The following PTPN14 variants were observed in gnomAD, a reference collection of about 807,000 sequenced individuals.
The protein encoded by PTPN14 is protein tyrosine phosphatase non-receptor type 14, also known as tyrosine-protein phosphatase non-receptor type 14.
In PTPN14, 53 loss-of-function variants were observed where a neutral mutation model predicts 126.8. That is an observed-to-expected ratio of 0.42 (90% CI 0.34 to 0.53). PTPN14 has a LOEUF of 0.53. PTPN14 is among the 20% of genes least tolerant of loss of function. The probability of loss-of-function intolerance (pLI) is 0.08; values close to 1 mark genes in which losing one functional copy is unlikely to be tolerated. For synonymous variants in PTPN14, 630 were observed against 599.3 expected (o/e 1.05, Z -0.75); for missense variants, 1,257 against 1,552.9 (o/e 0.81, Z 3.20).
At chr1:214,402,456 A>C (rs1659045421) in intron 6 of PTPN14, among the ~76,000 whole-genome samples, 1 of 138,564 alleles carries the variant, frequency 7.2e-6, no homozygotes, top group Non-Finnish European at 1.6e-5. Flanking sequence ...AAAAAAAAAA[A>C]AAAGCCACGA....
rs1658029795 is a variant in PTPN14, at chr1:214,364,541, G to A, written c.3406C>T (p.Leu1136=). Residue 1136 remains leucine, a synonymous_variant, in exon 18 of 19, where the codon CTG becomes TTG. Coordinates refer to ENST00000366956, the MANE Select transcript of PTPN14 (RefSeq NM_005401.5). The surrounding 1 kb of genome is among the most constrained non-coding windows in gnomAD (Gnocchi z 4.1). ...TTATGTTCCAAGCAGTAGATCATCA[G>A]CTCAGAAAGAATGAGCACGCCGGTC... ...GRTGVLILSE[L]MIYCLEHNEK... 4 of 1,614,060 alleles carry A rather than the reference G, an allele frequency of 2.5e-6. No homozygotes were observed. The East Asian group carries it at 6.7e-5, about 27-fold the overall frequency.
At chr1:214,545,898 T>C (rs372504830) in intron 1 of PTPN14, among the ~76,000 whole-genome samples, 1 of 152,014 alleles carries the variant, frequency 6.6e-6, no homozygotes, top group East Asian at 1.9e-4. Flanking sequence ...TAAACCCAAC[T>C]GTTTGGTAGC....
rs1158472144 is a variant in PTPN14 at position 214,433,951 on chromosome 1, CAAAAAA to C, written c.344+17848_344+17853del. Among the ~76,000 whole-genome samples the C allele has an allele frequency of 1.8e-3, 175 of 98,540 alleles. 1 individual carries two copies. The highest frequency in any genetic ancestry group is 0.011 in the South Asian group (37 of 3,330). 64.6% of individuals were successfully genotyped at this position (98,540 alleles called of 152,430 possible). On this transcript the variant is annotated intron_variant, in intron 3 of 18. Coordinates refer to ENST00000366956, the MANE Select transcript of PTPN14 (RefSeq NM_005401.5). ...ACACACACACACACACACACACACA[CAAAAAA>C]AAAAAAAAAAAAAAACTCAAAAAAT... is the stretch of plus-strand genomic sequence containing the variant.
intron 3 of PTPN14, among the ~76,000 whole-genome samples, chr1:214,416,405 C>A (rs1659427096): frequency 6.6e-6 from 1 of 152,162 alleles, no homozygotes; most frequent in African/African-American, 2.4e-5. Context: ...TGACCAGTAA[C>A]CAATTAATCT....
rs536216802 is a variant in PTPN14 at position 214,353,462 on chromosome 1, C to T, written c.*4460G>A. ...TTGGTTGAATATAGGGATGTGGAAC[C>T]CACAGATAGGGGTGGTCAACTGTAC... On this transcript the variant is annotated 3_prime_UTR_variant, in exon 19 of 19. Transcript: ENST00000366956. 8 of 152,286 alleles carry T rather than the reference C, an allele frequency of 5.3e-5. No homozygotes were observed. In the East Asian group the frequency reaches 1.5e-3, roughly 29 times the overall value. The allele number at this position is 152,286 out of a possible 1,614,324, so 9.4% of individuals were successfully genotyped here. A position where few individuals can be genotyped will look rare whatever the true frequency, so the allele number is the denominator to read the frequency against.
intron 14 of PTPN14, 131 bp downstream of exon 14, chr1:214,377,828 G>C (rs1658377535): frequency 7.8e-6 from 9 of 1,155,734 alleles, no homozygotes; most frequent in South Asian, 3.0e-5. Context: ...AGTTATACCT[G>C]ATCTTCCTAA....
At chr1:214,458,561 G>A (rs940503298) in intron 2 of PTPN14, among the ~76,000 whole-genome samples, 1 of 152,096 alleles carries the variant, frequency 6.6e-6, no homozygotes, top group African/African-American at 2.4e-5. Flanking sequence ...AATTTGTAGA[G>A]GTGGCTACTA....
At chr1:214,520,088 A>ATT (rs1571641928) in intron 1 of PTPN14, among the ~76,000 whole-genome samples, 3 of 143,616 alleles carry the variant, frequency 2.1e-5, no homozygotes, top group African/African-American at 5.3e-5. Flanking sequence ...ATATATGCAG[A>ATT]ATATATGCAG....
chr1:214,514,716 C>A (rs1366185745), intron 1 of PTPN14, among the ~76,000 whole-genome samples: 2 of 152,158 alleles, frequency 1.3e-5, no homozygotes, highest in African/African-American at 4.8e-5. Flanking sequence ...TCCAAACAAG[C>A]CTTCACCCCA....
At position 214,423,818 on chromosome 1, in the gene PTPN14, TAA is replaced by T. The variant is rs549574669; in HGVS notation, c.345-9094_345-9093del. On this transcript the variant is annotated intron_variant, in intron 3 of 18. Coordinates refer to ENST00000366956, the MANE Select transcript of PTPN14 (RefSeq NM_005401.5). ...CAACATGGTGAAACCACGTCTCTACTAAAAATACAAAAATTAGCCAGGCATGG... is the reference window on the plus strand; with the variant it reads ...CAACATGGTGAAACCACGTCTCTACTAAATACAAAAATTAGCCAGGCATGG... Among the ~76,000 whole-genome samples the T allele has an allele frequency of 5.9e-3, 889 of 151,002 alleles. 7 individuals carry two copies. Among genetic ancestry groups the T allele is most frequent in the African/African-American group, 0.02 (835 of 40,994 alleles).
chr1:214,368,376 T>C (rs1466564518), intron 17 of PTPN14, among the ~76,000 whole-genome samples: 1 of 151,956 alleles, frequency 6.6e-6, no homozygotes, highest in African/African-American at 2.4e-5. Flanking sequence ...TAATTTTGTA[T>C]TTTTAGTAGA....
chr1:214,443,280 T>C (rs867142766), intron 3 of PTPN14, among the ~76,000 whole-genome samples: 13 of 152,150 alleles, frequency 8.5e-5, no homozygotes, highest in East Asian at 1.9e-4. Context: ...AAAATCCTAG[T>C]TGAGGATCAA....
chr1:214,389,993 C>T (rs1466554170), intron 11 of PTPN14, among the ~76,000 whole-genome samples: 1 of 152,204 alleles, frequency 6.6e-6, no homozygotes, highest in Non-Finnish European at 1.5e-5. Context: ...AATGACTCAA[C>T]TCAAGAATTC....
At chr1:214,478,024 A>G (rs1263879277) in intron 1 of PTPN14, among the ~76,000 whole-genome samples, 1 of 152,224 alleles carries the variant, frequency 6.6e-6, no homozygotes, top group Admixed American at 6.5e-5. Flanking sequence ...ATTAGATTAT[A>G]AAAGGGCAGA....
At chr1:214,371,328 G>A (rs1274595834) in intron 16 of PTPN14, among the ~76,000 whole-genome samples, 1 of 152,142 alleles carries the variant, frequency 6.6e-6, no homozygotes, top group African/African-American at 2.4e-5. Flanking sequence ...TCCAGCAAGT[G>A]TGCAACATGA....
chr1:214,461,432 A>G (rs1558113079), intron 2 of PTPN14, among the ~76,000 whole-genome samples: 1 of 151,384 alleles, frequency 6.6e-6, no homozygotes, highest in Non-Finnish European at 1.5e-5. Context: ...CAGGAGTTTG[A>G]GACCAGCCTG....
chr1:214,392,212 G>C (rs1658771597), intron 10 of PTPN14, among the ~76,000 whole-genome samples: 1 of 152,086 alleles, frequency 6.6e-6, no homozygotes, highest in South Asian at 2.1e-4. Context: ...GAGAGAGCGA[G>C]AGAGAGTATA....
chr1:214,456,748 T>C (rs1660392159), intron 2 of PTPN14, among the ~76,000 whole-genome samples: 1 of 152,150 alleles, frequency 6.6e-6, no homozygotes, highest in African/African-American at 2.4e-5. Flanking sequence ...ACAATCTCTA[T>C]ACCTAGAAAA....
rs186291170 is a variant in PTPN14, at chr1:214,373,185, G to A, written c.2908-346C>T. On this transcript the variant is annotated intron_variant, in intron 15 of 18. Transcript: ENST00000366956. Reference sequence around the variant, plus strand: ...TTCTCCCGTCTCAGAATCCCAAGGAGCTGGGATTACAGGCACTCGCCATCA... The same window carrying A: ...TTCTCCCGTCTCAGAATCCCAAGGAACTGGGATTACAGGCACTCGCCATCA... Among the ~76,000 whole-genome samples, 5 of 152,282 alleles carry A rather than the reference G, an allele frequency of 3.3e-5. No individual in the cohort carries two copies. The East Asian group carries it at 9.6e-4, about 29-fold the overall frequency.
Sources: gnomAD v4.1 joint callset for allele counts (sites outside exome capture counted in the v4.1 genomes callset) on GRCh38, gnomAD v4.1.1 for gene constraint, Gnocchi (gnomAD v3.1) non-coding constraint, MANE v1.5 for transcripts, NCBI Gene and HGNC (gene_info 2026-07-23, HGNC 2026-07-21) for gene names.